The following EXOC2 variants were observed in gnomAD, a reference collection of about 807,000 sequenced individuals.
EXOC2 encodes the protein SEC5-like 1.
Under a neutral mutation model 131.8 loss-of-function variants are expected in EXOC2, and 70 were observed. That is an observed-to-expected ratio of 0.53 (90% CI 0.44 to 0.65). The LOEUF is 0.65. Among genes scored for constraint, EXOC2 ranks in the 30% least tolerant of loss-of-function variants. EXOC2 has a pLI of 0.00. For missense variants in EXOC2, 923 were observed against 1,108.6 expected, an observed-to-expected ratio of 0.83 and a Z score of 2.38; for synonymous variants, 411 against 398.4, an observed-to-expected ratio of 1.03 and a Z score of -0.38.
intron 3 of EXOC2, among the ~76,000 whole-genome samples, chr6:632,442 C>CT (rs1299019982): frequency 6.6e-6 from 1 of 152,212 alleles, no homozygotes; most frequent in Admixed American, 6.5e-5. Flanking sequence ...AAACAAAGTG[C>CT]TATGTGGTTC....
At chr6:576,906 C>A in intron 11 of EXOC2, 24 bp from the exon 12 acceptor site, 1 of 1,611,818 alleles carries the variant, frequency 6.2e-7, no homozygotes, top group Non-Finnish European at 8.5e-7. Context: ...GAGAGATATA[C>A]AGAGTATATA....
chr6:622,196 C>T (rs1488812634), intron 4 of EXOC2, among the ~76,000 whole-genome samples: 1 of 152,180 alleles, frequency 6.6e-6, no homozygotes, highest in South Asian at 2.1e-4. Flanking sequence ...CTAGACACGG[C>T]CATTCAATGT....
chr6:598,228 C>T, intron 9 of EXOC2, 105 bp from the exon 10 acceptor site: 1 of 779,672 alleles, frequency 1.3e-6, no homozygotes, highest in Non-Finnish European at 2.1e-6. Flanking sequence ...GGCTAAGAGG[C>T]ACCAGGGCCG....
At chr6:495,093 T>TCA (rs1763635669) in intron 25 of EXOC2, among the ~76,000 whole-genome samples, 1 of 151,366 alleles carries the variant, frequency 6.6e-6, no homozygotes, top group South Asian at 2.1e-4. Context: ...GTTACTATGT[T>TCA]GCCCAGGCTC....
At chr6:558,083 G>A (rs547405336) in intron 17 of EXOC2, among the ~76,000 whole-genome samples, 1 of 152,324 alleles carries the variant, frequency 6.6e-6, no homozygotes, top group South Asian at 2.1e-4. Context: ...CACTGGGACT[G>A]AGAACCTCTC....
At chr6:617,587 A>G (rs1761077380) in intron 6 of EXOC2, 124 bp downstream of exon 6, 2 of 1,282,900 alleles carry the variant, frequency 1.6e-6, no homozygotes, top group Non-Finnish European at 2.1e-6. Flanking sequence ...AAATATTTAT[A>G]GCACATTTGA....
At chr6:591,933 C>T (rs1172797326) in intron 11 of EXOC2, among the ~76,000 whole-genome samples, 3 of 152,176 alleles carry the variant, frequency 2.0e-5, no homozygotes, top group South Asian at 2.1e-4. Flanking sequence ...AGTTCTAATA[C>T]GGAGGCTTCT....
At chr6:596,291 G>A (rs1254817375) in intron 10 of EXOC2, among the ~76,000 whole-genome samples, 1 of 151,786 alleles carries the variant, frequency 6.6e-6, no homozygotes, top group African/African-American at 2.4e-5. Context: ...TCATCACTAG[G>A]ACACAGGTCC....
intron 1 of EXOC2, chr6:656,329 T>C (rs1442774155): frequency 1.2e-6 from 2 of 1,614,174 alleles, no homozygotes; most frequent in South Asian, 2.2e-5. Flanking sequence ...TTTCCAAGAT[T>C]TTTAAAATAA....
chr6:524,097 T>C (rs527725635), intron 23 of EXOC2: 2 of 152,178 alleles, frequency 1.3e-5, no homozygotes, highest in East Asian at 3.8e-4. Context: ...TATTTTTTTA[T>C]TGATAGAAAA....
chr6:629,837 T>C lies in EXOC2; in HGVS notation c.420A>G (p.Glu140=), dbSNP rs200655216. 1 of 1,613,442 alleles carries C rather than the reference T, an allele frequency of 6.2e-7. No homozygotes were observed. The highest frequency in any genetic ancestry group is 8.5e-7 in the Non-Finnish European group (1 of 1,179,778). ...ACTGAAAGCAAGATGGTACTCACTT[T>C]TCAATCTCAATGCCAAGCGGGTTAG... The part of the protein sequence containing the change: ...RPANPLGIEI[E]KSKFSQKDLE... The change falls in exon 4 of 28, where the codon GAA becomes GAG. Residue 140 remains glutamate, a splice_region_variant and synonymous_variant. Coordinates refer to ENST00000230449, the MANE Select transcript of EXOC2 (RefSeq NM_018303.6).
intron 7 of EXOC2, among the ~76,000 whole-genome samples, chr6:608,539 T>C (rs1400756130): frequency 6.6e-6 from 1 of 152,182 alleles, no homozygotes; most frequent in Non-Finnish European, 1.5e-5. Context: ...AGAAAGTTAA[T>C]ACGACACTTT....
At chr6:626,466 G>A (rs549165952) in intron 4 of EXOC2, among the ~76,000 whole-genome samples, 1 of 152,144 alleles carries the variant, frequency 6.6e-6, no homozygotes, top group African/African-American at 2.4e-5. Flanking sequence ...GGCCCCTCAC[G>A]TTCCCAGTGT....
chr6:535,246 G>A (rs906250773), intron 22 of EXOC2, among the ~76,000 whole-genome samples: 2 of 152,114 alleles, frequency 1.3e-5, no homozygotes, highest in East Asian at 1.9e-4. Flanking sequence ...CGCATCTGTG[G>A]TCCCAGCTAC....
chr6:533,133 C>G (rs1275466815), intron 22 of EXOC2, among the ~76,000 whole-genome samples: 2 of 152,138 alleles, frequency 1.3e-5, no homozygotes, highest in African/African-American at 2.4e-5. Flanking sequence ...ATGACCTCCA[C>G]CTGGTCTCTC....
intron 23 of EXOC2, among the ~76,000 whole-genome samples, chr6:503,588 T>A (rs115354094): frequency 0.015 from 2,222 of 152,316 alleles, 54 homozygotes; most frequent in African/African-American, 0.05. Flanking sequence ...CCACAAAAAC[T>A]AAACATAAAA....
chr6:585,715 T>C (rs184818368), intron 11 of EXOC2, among the ~76,000 whole-genome samples: 2 of 150,334 alleles, frequency 1.3e-5, no homozygotes, highest in Admixed American at 1.3e-4. Context: ...CTTAAAAAAA[T>C]ATTTATATGT....
intron 27 of EXOC2, among the ~76,000 whole-genome samples, chr6:487,467 C>A (rs112650881): frequency 6.6e-6 from 1 of 152,026 alleles, no homozygotes; most frequent in Non-Finnish European, 1.5e-5. Flanking sequence ...AGTGCAGTGG[C>A]GCGATTTCGG....
chr6:497,366 C>CCT lies in EXOC2; in HGVS notation c.2558_2559dup (p.Ala854ArgfsTer9). ...AATATGAAATTGAATGATTTTGTTACCTGTAAAGCTCCATTTTTGCTGAAG... is the reference window on the plus strand; with the variant it reads ...AATATGAAATTGAATGATTTTGTTACCTCTGTAAAGCTCCATTTTTGCTGAAG... On this transcript the variant is annotated frameshift_variant and splice_region_variant. Transcript: ENST00000230449. LOFTEE classifies it high-confidence loss of function. 6.2e-7 allele frequency: 1 copy of CCT among 1,612,356 alleles called. No individual in the cohort carries two copies. The highest frequency in any genetic ancestry group is 8.5e-7 in the Non-Finnish European group (1 of 1,179,438).
Sources: allele counts gnomAD v4.1 joint callset (sites outside exome capture counted in the v4.1 genomes callset), GRCh38; gene constraint gnomAD v4.1.1; transcripts MANE v1.5; gene names NCBI Gene and HGNC (gene_info 2026-07-23, HGNC 2026-07-21).